The following COL4A2 variants were observed in gnomAD, a reference collection of about 807,000 sequenced individuals.
The protein encoded by COL4A2 is collagen type IV alpha 2 chain.
A neutral mutation model predicts 200.2 loss-of-function variants in COL4A2; 99 were observed. The observed-to-expected ratio is 0.49, with a 90% CI of 0.42 to 0.58. The LOEUF is 0.58. Among genes scored for constraint, COL4A2 ranks in the 20% least tolerant of loss-of-function variants. COL4A2 has a pLI of 0.00. For synonymous variants in COL4A2, 897 were observed against 900.6 expected (o/e 1.00, Z 0.07); for missense variants, 1,950 against 2,314.1 (o/e 0.84, Z 3.23).
At chr13:110,308,011 G>A in intron 2 of COL4A2, 58 bp from the exon 3 acceptor site, 1 of 1,611,180 alleles carries the variant, frequency 6.2e-7, no homozygotes, top group Non-Finnish European at 8.5e-7. Flanking sequence ...TGTAACTCTC[G>A]GGGACTGACA....
At chr13:110,317,131 ACC>A (rs1273238904) in intron 3 of COL4A2, among the ~76,000 whole-genome samples, 76 of 149,378 alleles carry the variant, frequency 5.1e-4, no homozygotes, top group Admixed American at 4.0e-3. Context: ...ACACACTTGC[ACC>A]CCACACACAC....
At chr13:110,480,660 T>A (rs1882868111) in intron 31 of COL4A2, among the ~76,000 whole-genome samples, 1 of 152,228 alleles carries the variant, frequency 6.6e-6, no homozygotes, top group South Asian at 2.1e-4. Context: ...GGAAACATCG[T>A]CTTATTGTAA....
chr13:110,402,235 A>G (rs146808372), intron 4 of COL4A2, among the ~76,000 whole-genome samples: 7 of 152,236 alleles, frequency 4.6e-5, no homozygotes, highest in Non-Finnish European at 2.9e-5. Flanking sequence ...CCTGAGGCAC[A>G]TTTCTCTCCC....
Position 110,432,039 on chromosome 13 carries a change from A to G in COL4A2, c.649-286A>G, listed in dbSNP as rs1483719675. ...GGGCCTGGGACCTTGCAAAGGGATC[A>G]GAACAAACACAGAGAGGACATGGGT... On this transcript the variant is annotated intron_variant, in intron 10 of 47. Transcript: ENST00000360467. 2.6e-5 allele frequency among the ~76,000 whole-genome samples: 4 copies of G among 152,232 alleles called. No individual in the cohort carries two copies. The East Asian group carries it at 7.7e-4, about 29-fold the overall frequency.
intron 20 of COL4A2, among the ~76,000 whole-genome samples, chr13:110,455,304 G>A (rs371413499): frequency 2.4e-4 from 37 of 152,112 alleles, no homozygotes; most frequent in African/African-American, 8.9e-4. Flanking sequence ...CTGGCCTTCT[G>A]CCTATTTCAG....
rs145250909 is a variant in COL4A2 at position 110,379,514 on chromosome 13, G to A, written c.180+21962G>A. On this transcript the variant is annotated intron_variant, in intron 4 of 47. Transcript: ENST00000360467. Reference sequence around the variant, plus strand: ...CTCAAATTGAGGAGCCAGGGGCGCCGGGCAGCAGTGGGGCTCACAGACTTT... The same window carrying A: ...CTCAAATTGAGGAGCCAGGGGCGCCAGGCAGCAGTGGGGCTCACAGACTTT... 1.5e-3 allele frequency among the ~76,000 whole-genome samples: 231 copies of A among 152,278 alleles called. 1 individual carries two copies. The highest frequency in any genetic ancestry group is 5.3e-3 in the African/African-American group (222 of 41,552).
In COL4A2 at chr13:110,473,133, GC is replaced by G. The variant is rs1324194272; in HGVS notation, c.2414del (p.Pro805LeufsTer15). The G allele has an allele frequency of 7.7e-6, 12 of 1,557,166 alleles. No homozygotes were observed. Among genetic ancestry groups the G allele is most frequent in the Admixed American group, 1.9e-5 (1 of 51,728 alleles). Reference protein sequence around the residue: ...PGLKGLPGDRGPPGFRGSQGM... With the variant: ...PGLKGLPGDRXPPGFRGSQGM... The stretch of plus-strand genomic sequence containing the variant: ...CTTAAAGGCCTTCCCGGAGACAGAG[GC>G]CCCCCTGGATTCAGAGGTGAGTGCC... On this transcript the variant is annotated frameshift_variant, in exon 29 of 48. Transcript: ENST00000360467. LOFTEE classifies it high-confidence loss of function.
At chr13:110,342,202 T>A (rs1447344067) in intron 3 of COL4A2, among the ~76,000 whole-genome samples, 1 of 152,238 alleles carries the variant, frequency 6.6e-6, no homozygotes, top group Non-Finnish European at 1.5e-5. Context: ...AGAATTTGAC[T>A]TATTAGAGAT....
At chr13:110,507,818 C>T in intron 46 of COL4A2, 117 bp from the exon 47 acceptor site, 1 of 1,096,552 alleles carries the variant, frequency 9.1e-7, no homozygotes, top group East Asian at 2.4e-5. Flanking sequence ...GGTGGCTAAA[C>T]TCCACCAGGT....
In COL4A2 at chr13:110,458,165, G is replaced by C. The variant is rs771191640; in HGVS notation, c.1433-606G>C. 3.0e-5 allele frequency: 14 copies of C among 468,638 alleles called. 1 individual carries two copies. Among genetic ancestry groups the C allele is most frequent in the Non-Finnish European group, 4.9e-5 (11 of 225,982 alleles). 29.0% of individuals were successfully genotyped at this position (468,638 alleles called of 1,614,324 possible). Reference sequence around the variant, plus strand: ...CCCGCTGTGGATGGGCATGACCTGAGAGCAGGCACCGCAGGACCTGGAGGA... The same window carrying C: ...CCCGCTGTGGATGGGCATGACCTGACAGCAGGCACCGCAGGACCTGGAGGA... On this transcript the variant is annotated intron_variant, in intron 21 of 47. Transcript: ENST00000360467.
chr13:110,485,437 G>A (rs1050707530), intron 33 of COL4A2, among the ~76,000 whole-genome samples: 1 of 149,076 alleles, frequency 6.7e-6, no homozygotes, highest in African/African-American at 2.5e-5. Context: ...GCAGGAGAAT[G>A]GCGTGAACCG....
chr13:110,383,287 T>C lies in COL4A2; in HGVS notation c.180+25735T>C, dbSNP rs139515248. On this transcript the variant is annotated intron_variant, in intron 4 of 47. Coordinates refer to ENST00000360467, the MANE Select transcript of COL4A2 (RefSeq NM_001846.4). ...TTGATTTGATTAGCCATATGTACCA[T>C]TTACAATACTCTTGGGGGACAAAAG... 6.2e-4 allele frequency among the ~76,000 whole-genome samples: 95 copies of C among 152,364 alleles called. 4 individuals are homozygous for C. The East Asian group carries it at 0.018, about 28-fold the overall frequency.
At chr13:110,339,546 A>T (rs1876359216) in intron 3 of COL4A2, among the ~76,000 whole-genome samples, 1 of 152,220 alleles carries the variant, frequency 6.6e-6, no homozygotes, top group African/African-American at 2.4e-5. Flanking sequence ...AGCCTCCAGC[A>T]GCACAGCCCC....
chr13:110,508,978 G>A lies in COL4A2; in HGVS notation c.4881+757G>A, dbSNP rs917761469. ...TGAAGATACTATAAGTTGAAAGTGC[G>A]TTTTCAATTTATGATGGGTTTATCT... On this transcript the variant is annotated intron_variant, in intron 47 of 47. Coordinates refer to ENST00000360467, the MANE Select transcript of COL4A2 (RefSeq NM_001846.4). This position sits in a 1 kb window ranked among gnomAD's most constrained non-coding sequence, Gnocchi z 6.1. Among the ~76,000 whole-genome samples the A allele has an allele frequency of 5.9e-5, 9 of 152,038 alleles. No homozygotes were observed. The highest frequency in any genetic ancestry group is 2.9e-5 in the Non-Finnish European group (2 of 68,000).
At chr13:110,374,385 A>G (rs2139404459) in intron 4 of COL4A2, among the ~76,000 whole-genome samples, 1 of 152,322 alleles carries the variant, frequency 6.6e-6, no homozygotes, top group East Asian at 1.9e-4. Context: ...AAATCTGGGT[A>G]TGATGTTGCA....
In COL4A2 at chr13:110,462,167, C is replaced by T; in HGVS notation, c.1650C>T (p.Ser550=). 2 of 1,614,264 alleles carry T rather than the reference C, an allele frequency of 1.2e-6. No homozygotes were observed. The highest frequency in any genetic ancestry group is 1.7e-6 in the Non-Finnish European group (2 of 1,180,048). ...GACCCAAAGGAGCAAAAGGAGATTC[C>T]AGAACAATCACAACCAAAGGTGAGT... is the stretch of plus-strand genomic sequence containing the variant. ...APGPKGAKGD[S]RTITTKGERG... is the part of the protein sequence containing the mutation. Residue 550 remains serine (S), a synonymous_variant, in exon 23 of 48, where the codon TCC becomes TCT. Transcript: ENST00000360467.
intron 4 of COL4A2, among the ~76,000 whole-genome samples, chr13:110,401,022 C>G (rs58681829): frequency 4.7e-4 from 72 of 152,340 alleles, no homozygotes; most frequent in African/African-American, 1.6e-3. Context: ...CACACCCACG[C>G]ATTTCCAACT....
At chr13:110,483,261 G>A (rs1377563066) in intron 32 of COL4A2, among the ~76,000 whole-genome samples, 1 of 152,234 alleles carries the variant, frequency 6.6e-6, no homozygotes, top group Non-Finnish European at 1.5e-5. Context: ...GACTAAGAGT[G>A]TGTGTTGGTG....
chr13:110,461,412 C>T (rs567915142), intron 22 of COL4A2, among the ~76,000 whole-genome samples: 1 of 152,396 alleles, frequency 6.6e-6, no homozygotes, highest in Admixed American at 6.5e-5. Flanking sequence ...GGGGCCTGCA[C>T]ATCTGCACCA....
Sources: gnomAD v4.1 joint callset for allele counts (sites outside exome capture counted in the v4.1 genomes callset) on GRCh38, gnomAD v4.1.1 for gene constraint, Gnocchi (gnomAD v3.1) non-coding constraint, MANE v1.5 for transcripts, NCBI Gene and HGNC (gene_info 2026-07-23, HGNC 2026-07-21) for gene names.